SLC25A17: variants seen among roughly 807,000 people sequenced by gnomAD.
SLC25A17 encodes peroxisomal membrane protein PMP34.
SLC25A17 carries 26 observed loss-of-function variants against 38.5 expected under a neutral mutation model. The observed-to-expected ratio is 0.68, with a 90% CI of 0.50 to 0.94. The LOEUF (loss-of-function observed/expected upper bound fraction) is 0.94, where lower values mean the gene tolerates loss of function less well. Among genes scored for constraint, SLC25A17 ranks in the 40% least tolerant of loss-of-function variants. SLC25A17 has a pLI of 0.00. For synonymous variants in SLC25A17, 139 were observed against 136.2 expected, an observed-to-expected ratio of 1.02 and a Z score of -0.14; for missense variants, 333 against 372.7, an observed-to-expected ratio of 0.89 and a Z score of 0.88.
intron 2 of SLC25A17, among the ~76,000 whole-genome samples, chr22:40,798,532 T>A (rs1039108777): frequency 6.6e-6 from 1 of 151,948 alleles, no homozygotes; most frequent in Non-Finnish European, 1.5e-5. Context: ...CAGGTATCTA[T>A]CTTCTCCCTC....
At chr22:40,792,717 A>G (rs752846918) in intron 3 of SLC25A17, 41 bp from the exon 4 acceptor site, 4 of 1,601,476 alleles carry the variant, frequency 2.5e-6, no homozygotes, top group Non-Finnish European at 3.4e-6. Flanking sequence ...GGTCATGGAC[A>G]AATTAGAAAT....
chr22:40,819,074 T>G, intron 1 of SLC25A17, 121 bp downstream of exon 1: 1 of 1,070,708 alleles, frequency 9.3e-7, no homozygotes, highest in East Asian at 2.6e-5. Context: ...CCCACAGTCA[T>G]GACAGTGGAC....
chr22:40,814,918 C>T (rs545526601), intron 1 of SLC25A17, among the ~76,000 whole-genome samples: 1 of 152,006 alleles, frequency 6.6e-6, no homozygotes, highest in Admixed American at 6.6e-5. Context: ...CTCCCGGGTT[C>T]ATGCCGTTCT....
chr22:40,778,499 C>T (rs1388022722), intron 5 of SLC25A17, among the ~76,000 whole-genome samples: 1 of 152,168 alleles, frequency 6.6e-6, no homozygotes, highest in African/African-American at 2.4e-5. Context: ...CACGTCAATC[C>T]ACAAACATGT....
intron 1 of SLC25A17, 131 bp downstream of exon 1, chr22:40,819,064 C>T (rs892509836): frequency 1.0e-6 from 1 of 955,216 alleles, no homozygotes; most frequent in Non-Finnish European, 1.6e-6. Context: ...TCCTCTCTGC[C>T]CCACAGTCAT....
rs112343415 is a variant in SLC25A17, at chr22:40,784,889, T to C, written c.335-5764A>G. On this transcript the variant is annotated intron_variant, in intron 4 of 8. Transcript: ENST00000435456. ...TGGATCTTGTGCCAATCATAGAGTT[T>C]CAGCCAATCACAGGCAGCCAACTGT... Among the ~76,000 whole-genome samples, 1,440 of 152,262 alleles carry C rather than the reference T, an allele frequency of 9.5e-3. 20 individuals are homozygous for C. The highest frequency in any genetic ancestry group is 0.029 in the African/African-American group (1,216 of 41,536).
chr22:40,781,621 T>C (rs529585356), intron 4 of SLC25A17, among the ~76,000 whole-genome samples: 1 of 152,344 alleles, frequency 6.6e-6, no homozygotes, highest in South Asian at 2.1e-4. Context: ...ATAAAGTCCT[T>C]GTAAGAACAT....
intron 2 of SLC25A17, chr22:40,797,271 A>G: frequency 1.6e-6 from 2 of 1,252,034 alleles, no homozygotes; most frequent in Non-Finnish European, 2.1e-6. Context: ...TTACTATTGA[A>G]AGCTAATCTT....
At chr22:40,790,688 G>A (rs1008715614) in intron 4 of SLC25A17, among the ~76,000 whole-genome samples, 8 of 152,132 alleles carry the variant, frequency 5.3e-5, no homozygotes, top group Admixed American at 3.9e-4. Flanking sequence ...GGCAGACACA[G>A]CAAATAAACC....
chr22:40,773,225 C>A (rs1176957204), intron 8 of SLC25A17, among the ~76,000 whole-genome samples: 3 of 151,894 alleles, frequency 2.0e-5, no homozygotes, highest in Non-Finnish European at 4.4e-5. Context: ...CTGGCAAACA[C>A]AGTGAAACCC....
At chr22:40,776,855 C>T (rs988303341) in intron 7 of SLC25A17, among the ~76,000 whole-genome samples, 185 bp downstream of exon 7, 2 of 151,842 alleles carry the variant, frequency 1.3e-5, no homozygotes, top group Non-Finnish European at 2.9e-5. Context: ...TGGTGCACCA[C>T]GGTACTCCAA....
intron 1 of SLC25A17, among the ~76,000 whole-genome samples, chr22:40,812,151 T>A (rs947333352): frequency 6.6e-6 from 1 of 151,950 alleles, no homozygotes; most frequent in Non-Finnish European, 1.5e-5. Flanking sequence ...TGCCTCAGCC[T>A]CTCAAAGTGC....
intron 8 of SLC25A17, among the ~76,000 whole-genome samples, chr22:40,772,305 T>C (rs1007873540): frequency 2.0e-5 from 3 of 151,922 alleles, no homozygotes; most frequent in African/African-American, 7.3e-5. Flanking sequence ...CTTTGTCTTT[T>C]ATTTTATTTT....
chr22:40,798,800 G>A (rs2057453856), intron 2 of SLC25A17, among the ~76,000 whole-genome samples: 1 of 151,612 alleles, frequency 6.6e-6, no homozygotes, highest in Non-Finnish European at 1.5e-5. Context: ...AACACCGTCT[G>A]TACTAAAAAA....
intron 4 of SLC25A17, 151 bp downstream of exon 4, chr22:40,792,374 C>T (rs1012484581): frequency 4.9e-6 from 3 of 612,044 alleles, no homozygotes; most frequent in Non-Finnish European, 2.7e-6. Flanking sequence ...AATTTTATGT[C>T]ACGTTTTTTA....
At chr22:40,784,784 C>CAAAAAA (rs71200616) in intron 4 of SLC25A17, among the ~76,000 whole-genome samples, 2,692 of 94,332 alleles carry the variant, frequency 0.029, no homozygotes, top group Non-Finnish European at 0.035. Flanking sequence ...TCAACAACAA[C>CAAAAAA]AAAAAAAAAA....
chr22:40,816,610 T>A (rs2057642446), intron 1 of SLC25A17, among the ~76,000 whole-genome samples: 1 of 15,818 alleles, frequency 6.3e-5, no homozygotes, highest in African/African-American at 4.6e-4. Context: ...TTTTTTATTG[T>A]TTTTTTTTTT....
chr22:40,792,479 C>T (rs748409957), intron 4 of SLC25A17, 46 bp downstream of exon 4: 26 of 1,509,846 alleles, frequency 1.7e-5, no homozygotes, highest in Non-Finnish European at 2.3e-5. Context: ...GATATAAAAC[C>T]ACAAGGTAAA....
At chr22:40,813,762 C>T (rs1207136301) in intron 1 of SLC25A17, 1 of 152,398 alleles carries the variant, frequency 6.6e-6, no homozygotes, top group Admixed American at 6.5e-5. Context: ...CACCTAGCAT[C>T]ATACCAGGCA....
Sources: gnomAD v4.1 joint callset for allele counts (sites outside exome capture counted in the v4.1 genomes callset) on GRCh38, gnomAD v4.1.1 for gene constraint, MANE v1.5 for transcripts, NCBI Gene and HGNC (gene_info 2026-07-23, HGNC 2026-07-21) for gene names.